Variants in COL4A4 observed in about 807,000 individuals in gnomAD.
COL4A4 encodes the protein collagen type IV alpha 4 chain.
A neutral mutation model predicts 192.9 loss-of-function variants in COL4A4; 105 were observed. That is an observed-to-expected ratio of 0.54 (90% CI 0.46 to 0.64). The LOEUF (loss-of-function observed/expected upper bound fraction) is 0.64. COL4A4 is among the 30% of genes least tolerant of loss of function. COL4A4 has a pLI of 0.00. For missense variants in COL4A4, 1,967 were observed against 2,169.3 expected (o/e 0.91, Z 1.85); for synonymous variants, 762 against 769.9 (o/e 0.99, Z 0.17).
At position 227,012,193 on chromosome 2, in the gene COL4A4, G is replaced by A. The variant is rs773403188; in HGVS notation, c.4321C>T (p.Pro1441Ser). ...RKGDTGEDGY[P>S]GGPGPPGPIG... ...ACTGAAACTCTACCTGGTCCTCCAGGGTAGCCGTCTTCTCCTGTGTCACCT... is the reference window on the plus strand; with the variant it reads ...ACTGAAACTCTACCTGGTCCTCCAGAGTAGCCGTCTTCTCCTGTGTCACCT... The change falls in exon 45 of 48, where the codon CCT becomes TCT. Residue 1441 changes from proline to serine, a missense_variant. Pro to Ser is a moderately conservative substitution (Grantham distance 74, BLOSUM62 -1). Transcript: ENST00000396625. 3 of 1,613,486 alleles carry A rather than the reference G, an allele frequency of 1.9e-6. No homozygotes were observed. Among genetic ancestry groups the A allele is most frequent in the East Asian group, 2.2e-5 (1 of 44,878 alleles).
At chr2:226,993,381 A>G in the COL4A4 span, among the ~76,000 whole-genome samples, 6 of 152,180 alleles carry the variant, frequency 3.9e-5, no homozygotes, top group Admixed American at 3.3e-4. Context: ...GCCATCTGGA[A>G]TGAGGTGTCA....
chr2:227,065,904 G>T (rs1191040564), intron 25 of COL4A4, among the ~76,000 whole-genome samples: 1 of 152,236 alleles, frequency 6.6e-6, no homozygotes, highest in Admixed American at 6.5e-5. Context: ...AGAGAAGAAG[G>T]CTTCAGACGA....
In COL4A4 at chr2:227,144,535, GAA is replaced by G. The variant is rs1360606073; in HGVS notation, c.93_94del (p.Ser32CysfsTer28). The G allele has an allele frequency of 6.2e-7, 1 of 1,610,428 alleles. No homozygotes were observed. Among genetic ancestry groups the G allele is most frequent in the Non-Finnish European group, 8.5e-7 (1 of 1,176,778 alleles). ...ACTTACCCCATATACATATTGTACA[GAA>G]AAGAGAATGAGTATAAGTGACCTAC... On this transcript the variant is annotated frameshift_variant, in exon 3 of 48. Transcript: ENST00000396625. LOFTEE classifies it high-confidence loss of function.
Position 227,060,118 on chromosome 2 carries a change from A to AAAAAAAAC in COL4A4, c.2164+10_2164+17dup. ...CCAAAGCAGAAAAAAAAAAAAAAAA[A>AAAAAAAAC]AAAAAAACCTCACTGACCAGGTGGA... On this transcript the variant is annotated intron_variant, in intron 27 of 47. Transcript: ENST00000396625. The AAAAAAAAC allele has an allele frequency of 7.3e-7, 1 of 1,372,248 alleles. No individual in the cohort carries two copies. Among genetic ancestry groups the AAAAAAAAC allele is most frequent in the Non-Finnish European group, 1.0e-6 (1 of 994,890 alleles). The allele number at this position is 1,372,248 out of a possible 1,614,324, so 85.0% of individuals were successfully genotyped here. A position where few individuals can be genotyped will look rare whatever the true frequency, so the allele number is the denominator to read the frequency against.
At chr2:227,094,345 T>C in intron 19 of COL4A4, 56 bp from the exon 20 acceptor site, 1 of 1,559,890 alleles carries the variant, frequency 6.4e-7, no homozygotes, top group Non-Finnish European at 8.7e-7. Flanking sequence ...AACGTCTCTG[T>C]AGAAGAAATC....
At chr2:226,974,787 T>C in the COL4A4 span, among the ~76,000 whole-genome samples, 1 of 152,186 alleles carries the variant, frequency 6.6e-6, no homozygotes, top group African/African-American at 2.4e-5. Context: ...TGTACAGTGC[T>C]GAGAGTCGTG....
chr2:227,120,822 C>G lies in COL4A4; in HGVS notation c.327+192G>C, dbSNP rs533268010. ...GACATGGTGGTATGTGCCTGTAATC[C>G]CAGCTACTTGGGAGGCTGAGGTGGG... On this transcript the variant is annotated intron_variant, in intron 5 of 47. Transcript: ENST00000396625. The G allele has an allele frequency of 4.7e-5, 30 of 638,446 alleles. No individual in the cohort carries two copies. In the Admixed American group the frequency reaches 7.5e-4, roughly 16 times the overall value. 39.5% of individuals were successfully genotyped at this position (638,446 alleles called of 1,614,324 possible).
intron 1 of COL4A4, among the ~76,000 whole-genome samples, chr2:227,160,545 C>T (rs1007936689): frequency 1.3e-5 from 2 of 152,064 alleles, no homozygotes; most frequent in Non-Finnish European, 2.9e-5. Context: ...AAACAGAGGA[C>T]CCCCACCCCA....
At chr2:227,145,708 A>C (rs1309951623) in intron 2 of COL4A4, among the ~76,000 whole-genome samples, 1 of 151,924 alleles carries the variant, frequency 6.6e-6, no homozygotes, top group Non-Finnish European at 1.5e-5. Context: ...TTTGTTCTCC[A>C]CCCTCTACTT....
At chr2:226,988,291 CT>C in the COL4A4 span, 7 of 1,535,248 alleles carry the variant, frequency 4.6e-6, no homozygotes, top group Non-Finnish European at 6.1e-6. Context: ...GTCTCTTCCC[CT>C]GTCCTTCCCT....
the COL4A4 span, among the ~76,000 whole-genome samples, chr2:226,981,585 C>CAA: frequency 6.6e-6 from 1 of 151,690 alleles, no homozygotes; most frequent in African/African-American, 2.4e-5. Context: ...CACACACACA[C>CAA]ACTTTCTCTA....
chr2:227,079,433 A>G (rs1175997689), intron 24 of COL4A4, among the ~76,000 whole-genome samples: 2 of 152,222 alleles, frequency 1.3e-5, no homozygotes, highest in Non-Finnish European at 2.9e-5. Flanking sequence ...TACCAAGCCT[A>G]AAGCAGAGAT....
Position 227,008,070 on chromosome 2 carries a change from G to C in COL4A4, c.4757C>G (p.Pro1586Arg). 1 of 1,614,008 alleles carries C rather than the reference G, an allele frequency of 6.2e-7. No individual in the cohort carries two copies. Among genetic ancestry groups the C allele is most frequent in the African/African-American group, 1.3e-5 (1 of 75,074 alleles). ...VAVHSQDQSI[P>R]PCPQTWRSLW... ...GCTCCTCCAGGTCTGCGGACATGGG[G>C]GGATGGACTGGTCCTGGCTGTGCAC... Residue 1586 changes from proline to arginine, a missense_variant, in exon 47 of 48, where the codon CCC (proline) becomes CGC (arginine). Coordinates refer to ENST00000396625, the MANE Select transcript of COL4A4 (RefSeq NM_000092.5).
intron 38 of COL4A4, 92 bp from the exon 39 acceptor site, chr2:227,032,368 A>T: frequency 6.9e-7 from 1 of 1,455,638 alleles, no homozygotes; most frequent in Non-Finnish European, 9.4e-7. Context: ...ATAGCGGCAG[A>T]GGAGTGGCTG....
chr2:227,120,897 C>T (rs753417569), intron 5 of COL4A4, 117 bp downstream of exon 5: 2 of 1,351,960 alleles, frequency 1.5e-6, no homozygotes, highest in Non-Finnish European at 2.1e-6. Flanking sequence ...TGAGATCCCA[C>T]CACTGCATTC....
intron 1 of COL4A4, among the ~76,000 whole-genome samples, chr2:227,156,355 G>T (rs1024424149): frequency 6.7e-6 from 1 of 150,172 alleles, no homozygotes; most frequent in African/African-American, 2.5e-5. Flanking sequence ...TGGAGATCAG[G>T]CCACTGCAGC....
chr2:227,056,411 G>A (rs545559394), intron 29 of COL4A4, among the ~76,000 whole-genome samples: 11 of 152,178 alleles, frequency 7.2e-5, no homozygotes, highest in Non-Finnish European at 1.3e-4. Context: ...TTTCCTCTTG[G>A]TGGAGGGAAA....
intron 46 of COL4A4, 32 bp from the exon 47 acceptor site, chr2:227,008,336 C>A (rs781541348): frequency 1.6e-5 from 26 of 1,609,754 alleles, no homozygotes; most frequent in Non-Finnish European, 2.1e-5. Flanking sequence ...AGCTGGTGTC[C>A]AAGCACCCCA....
At chr2:227,060,106 A>AAAAAAAAAAC in intron 27 of COL4A4, 30 bp downstream of exon 27, 1 of 1,046,326 alleles carries the variant, frequency 9.6e-7, no homozygotes, top group Non-Finnish European at 1.4e-6. Flanking sequence ...AAGCAGAAAA[A>AAAAAAAAAAC]AAAAAAAAAA....
Sources: allele counts gnomAD v4.1 joint callset (sites outside exome capture counted in the v4.1 genomes callset), GRCh38; gene constraint gnomAD v4.1.1; transcripts MANE v1.5; gene names NCBI Gene and HGNC (gene_info 2026-07-23, HGNC 2026-07-21).